The following MEI4 variants were observed in gnomAD, a reference collection of about 807,000 sequenced individuals.
The protein encoded by MEI4 is meiosis-specific protein MEI4.
In MEI4, 27 loss-of-function variants were observed where a neutral mutation model predicts 31.4. That is an observed-to-expected ratio of 0.86 (90% CI 0.63 to 1.19). The LOEUF is 1.19. Ranked by LOEUF, MEI4 falls within the 50% of genes most tolerant of loss-of-function variation. The probability of loss-of-function intolerance (pLI) is 0.00; values close to 1 mark genes in which losing one functional copy is unlikely to be tolerated. For missense variants in MEI4, 329 were observed against 398.9 expected, an observed-to-expected ratio of 0.82 and a Z score of 1.49; for synonymous variants, 122 against 145.4, an observed-to-expected ratio of 0.84 and a Z score of 1.16.
In MEI4 at chr6:77,761,466, T is replaced by C; in HGVS notation, c.569T>C (p.Leu190Ser). 8.1e-7 allele frequency: 1 copy of C among 1,232,164 alleles called. No homozygotes were observed. Among genetic ancestry groups the C allele is most frequent in the Non-Finnish European group, 1.0e-6 (1 of 987,932 alleles). The allele number at this position is 1,232,164 out of a possible 1,614,324, so 76.3% of individuals were successfully genotyped here. The change falls in exon 3 of 5, where the codon TTG (leucine) becomes TCG (serine). Residue 190 changes from leucine (L) to serine (S), a missense_variant. Physicochemically the swap from Leu to Ser is moderately radical, Grantham distance 145 (BLOSUM62 -2). Transcript: ENST00000684080. ...SSTVSDSVFQ[L>S]LDGLITFYRN... ...ACAGTCTCTGATTCTGTTTTTCAATTGCTGGATGGCCTGATCACTTTTTAC... is the reference window on the plus strand; with the variant it reads ...ACAGTCTCTGATTCTGTTTTTCAATCGCTGGATGGCCTGATCACTTTTTAC...
chr6:77,774,414 G>A (rs1372436657), intron 3 of MEI4, among the ~76,000 whole-genome samples: 1 of 152,054 alleles, frequency 6.6e-6, no homozygotes, highest in African/African-American at 2.4e-5. Flanking sequence ...GTGAGGCCCA[G>A]GAAGACAAAC....
intron 2 of MEI4, among the ~76,000 whole-genome samples, chr6:77,704,649 G>T (rs1766292360): frequency 1.3e-5 from 2 of 152,136 alleles, no homozygotes; most frequent in East Asian, 1.9e-4. Context: ...GGCTTAACAG[G>T]CCCCCCAGGT....
At chr6:77,809,586 C>T (rs564427686) in intron 3 of MEI4, among the ~76,000 whole-genome samples, 4 of 152,126 alleles carry the variant, frequency 2.6e-5, no homozygotes, top group South Asian at 2.1e-4. Flanking sequence ...GTATATTATG[C>T]GTTTTGTAAT....
intron 3 of MEI4, among the ~76,000 whole-genome samples, chr6:77,805,711 G>T (rs1225193646): frequency 6.6e-6 from 1 of 152,026 alleles, no homozygotes; most frequent in Non-Finnish European, 1.5e-5. Context: ...ATTCTAAAAG[G>T]ATAATGGTAA....
intron 4 of MEI4, among the ~76,000 whole-genome samples, chr6:77,866,128 G>C (rs545623926): frequency 1.7e-3 from 255 of 151,996 alleles, no homozygotes; most frequent in Non-Finnish European, 2.9e-3. Flanking sequence ...ATATCATACT[G>C]AATGGGCAAA....
chr6:77,834,705 A>T (rs1222875102), intron 4 of MEI4, among the ~76,000 whole-genome samples: 1 of 152,108 alleles, frequency 6.6e-6, no homozygotes, highest in Non-Finnish European at 1.5e-5. Context: ...ATTCAGTAAG[A>T]CTGATTAACA....
chr6:77,826,339 C>T (rs1299886700), intron 3 of MEI4, among the ~76,000 whole-genome samples: 1 of 152,172 alleles, frequency 6.6e-6, no homozygotes, highest in Non-Finnish European at 1.5e-5. Flanking sequence ...GTTCTACACC[C>T]AGGGTCCCTC....
chr6:77,664,252 G>A (rs868447871), intron 1 of MEI4, among the ~76,000 whole-genome samples: 2 of 152,244 alleles, frequency 1.3e-5, no homozygotes, highest in African/African-American at 4.8e-5. Context: ...GAGCAGATTG[G>A]GTAATAAAAT....
chr6:77,871,565 G>A (rs1050806732), intron 4 of MEI4, among the ~76,000 whole-genome samples: 1 of 151,940 alleles, frequency 6.6e-6, no homozygotes. Context: ...AGGGAGGAGG[G>A]CAAGGGCTGA....
At chr6:77,693,800 A>G (rs1043021698) in intron 2 of MEI4, among the ~76,000 whole-genome samples, 6 of 152,108 alleles carry the variant, frequency 3.9e-5, no homozygotes, top group Non-Finnish European at 7.4e-5. Context: ...GCTCTAAGAA[A>G]ACTCCATACC....
intron 3 of MEI4, among the ~76,000 whole-genome samples, chr6:77,773,362 A>G (rs1332013481): frequency 6.6e-6 from 1 of 151,980 alleles, no homozygotes; most frequent in Non-Finnish European, 1.5e-5. Flanking sequence ...CAAAATAGAG[A>G]ACCCAGAAAT....
chr6:77,802,280 C>G (rs1769286405), intron 3 of MEI4, among the ~76,000 whole-genome samples: 1 of 152,170 alleles, frequency 6.6e-6, no homozygotes, highest in Non-Finnish European at 1.5e-5. Flanking sequence ...TTATCAGAGA[C>G]TAGGATTGCA....
At chr6:77,736,645 A>G (rs1347118730) in intron 2 of MEI4, among the ~76,000 whole-genome samples, 1 of 152,074 alleles carries the variant, frequency 6.6e-6, no homozygotes, top group African/African-American at 2.4e-5. Context: ...CTATTCGGCC[A>G]TTTTGGCTCC....
At chr6:77,680,881 C>T (rs1238995383) in intron 1 of MEI4, among the ~76,000 whole-genome samples, 1 of 152,128 alleles carries the variant, frequency 6.6e-6, no homozygotes, top group Non-Finnish European at 1.5e-5. Flanking sequence ...GATCCTTTAT[C>T]AGAATTAATA....
intron 1 of MEI4, among the ~76,000 whole-genome samples, chr6:77,668,800 C>G (rs1323356055): frequency 6.6e-6 from 1 of 152,132 alleles, no homozygotes; most frequent in African/African-American, 2.4e-5. Context: ...ATTTTCTTTT[C>G]TATAATCTAT....
intron 4 of MEI4, among the ~76,000 whole-genome samples, chr6:77,883,266 T>C (rs1189485113): frequency 6.6e-6 from 1 of 152,162 alleles, no homozygotes; most frequent in African/African-American, 2.4e-5. Context: ...GTATTTAGGA[T>C]ATGCCTCATC....
intron 1 of MEI4, among the ~76,000 whole-genome samples, chr6:77,666,467 C>A (rs1314726098): frequency 2.0e-5 from 3 of 152,100 alleles, no homozygotes; most frequent in Non-Finnish European, 2.9e-5. Context: ...TCAAGCATTG[C>A]AATGAATGTT....
intron 4 of MEI4, among the ~76,000 whole-genome samples, chr6:77,883,780 TTTG>T (rs1436732959): frequency 2.5e-5 from 3 of 117,910 alleles, no homozygotes; most frequent in African/African-American, 1.0e-4. Context: ...TGGTGGACAG[TTTG>T]TTTTTTTTCC....
At position 77,761,278 on chromosome 6, in the gene MEI4, C is replaced by G. The variant is rs372270273; in HGVS notation, c.381C>G (p.Pro127=). 48 of 1,232,652 alleles carry G rather than the reference C, an allele frequency of 3.9e-5. No homozygotes were observed. In the East Asian group the frequency reaches 1.0e-3, roughly 26 times the overall value. 76.4% of individuals were successfully genotyped at this position (1,232,652 alleles called of 1,614,324 possible). A position where few individuals can be genotyped will look rare whatever the true frequency, so the allele number is the denominator to read the frequency against. Reference sequence around the variant, plus strand: ...AGCACTTTGTGGAAAGCTGTACCCCCACTCACTTTCCACCACTGCCTCTTG... The same window carrying G: ...AGCACTTTGTGGAAAGCTGTACCCCGACTCACTTTCCACCACTGCCTCTTG... ...LSQHFVESCT[P]THFPPLPLVK... Residue 127 remains proline (P), a synonymous_variant, in exon 3 of 5, where the codon CCC becomes CCG. Coordinates refer to ENST00000684080, the MANE Select transcript of MEI4 (RefSeq NM_001322247.2).
Sources: gnomAD v4.1 joint callset for allele counts (sites outside exome capture counted in the v4.1 genomes callset) on GRCh38, gnomAD v4.1.1 for gene constraint, MANE v1.5 for transcripts, NCBI Gene and HGNC (gene_info 2026-07-23, HGNC 2026-07-21) for gene names.